The following PLCG2 variants were observed in gnomAD, a reference collection of about 807,000 sequenced individuals.
The protein encoded by PLCG2 is phospholipase C gamma 2.
PLCG2 carries 69 observed loss-of-function variants against 175.6 expected under a neutral mutation model. The ratio of observed to expected loss-of-function variants is 0.39; its 90% confidence interval spans 0.32 to 0.48. The LOEUF (loss-of-function observed/expected upper bound fraction) is 0.48, where lower values mean the gene tolerates loss of function less well. Among genes scored for constraint, PLCG2 ranks in the 20% least tolerant of loss-of-function variants. PLCG2 has a pLI of 0.91. For synonymous variants in PLCG2, 827 were observed against 624.0 expected, an observed-to-expected ratio of 1.33 and a Z score of -4.85; for missense variants, 1,798 against 1,650.9, an observed-to-expected ratio of 1.09 and a Z score of -1.54.
At chr16:81,875,880 T>C (rs1350553172) in intron 7 of PLCG2, among the ~76,000 whole-genome samples, 1 of 152,052 alleles carries the variant, frequency 6.6e-6, no homozygotes, top group African/African-American at 2.4e-5. Context: ...GGGAAGTGAG[T>C]GATGAGCGTT....
chr16:81,902,387 G>C (rs1411489957), intron 14 of PLCG2, among the ~76,000 whole-genome samples: 10 of 152,210 alleles, frequency 6.6e-5, no homozygotes, highest in Admixed American at 5.2e-4. Flanking sequence ...CAGGGTGCTG[G>C]TATGAGAGTC....
chr16:81,887,336 G>A (rs1908420862), intron 9 of PLCG2, among the ~76,000 whole-genome samples: 2 of 151,942 alleles, frequency 1.3e-5, no homozygotes, highest in Non-Finnish European at 2.9e-5. Context: ...AGCCAGGATG[G>A]TCTCGATCTC....
chr16:81,813,119 G>C (rs528879208), intron 2 of PLCG2, among the ~76,000 whole-genome samples: 1 of 152,304 alleles, frequency 6.6e-6, no homozygotes, highest in South Asian at 2.1e-4. Flanking sequence ...GATGCCTGCA[G>C]CTTGTTCTTT....
At chr16:81,839,183 C>G (rs529808033) in intron 2 of PLCG2, among the ~76,000 whole-genome samples, 2 of 152,254 alleles carry the variant, frequency 1.3e-5, no homozygotes, top group African/African-American at 4.8e-5. Flanking sequence ...TAACATACAT[C>G]AGTTCAGGTG....
intron 2 of PLCG2, among the ~76,000 whole-genome samples, chr16:81,819,580 A>C (rs1904704901): frequency 6.6e-6 from 1 of 151,974 alleles, no homozygotes; most frequent in Admixed American, 6.6e-5. Context: ...TTATTTATGT[A>C]TTTATTATTA....
At chr16:81,957,885 A>G (rs913667876) in intron 32 of PLCG2, 71 bp from the exon 33 acceptor site, 3 of 1,319,026 alleles carry the variant, frequency 2.3e-6, no homozygotes, top group African/African-American at 1.4e-5. Context: ...AGAAAGAGAA[A>G]TGTTACAGAG....
intron 7 of PLCG2, among the ~76,000 whole-genome samples, chr16:81,877,961 CTTTTTTTTTTAATTTTTTTTTTT>C (rs1907887441): frequency 8.4e-6 from 1 of 118,468 alleles, no homozygotes; most frequent in East Asian, 2.6e-4. Flanking sequence ...AAATCTCCCT[CTTTTTTTTTTAATTTTTTTTTTT>C]TTTTTTTTTT....
chr16:81,889,307 G>A (rs200354151), intron 10 of PLCG2, 34 bp downstream of exon 10: 11 of 1,207,926 alleles, frequency 9.1e-6, no homozygotes, highest in Non-Finnish European at 1.2e-5. Flanking sequence ...GCTTGGGGGT[G>A]ACTTTTTGAT....
At chr16:81,831,144 T>C (rs531908855) in intron 2 of PLCG2, among the ~76,000 whole-genome samples, 1 of 152,324 alleles carries the variant, frequency 6.6e-6, no homozygotes, top group South Asian at 2.1e-4. Context: ...ACACCATGCT[T>C]TGCTCTTCTT....
At chr16:81,932,656 A>T (rs181777363) in intron 25 of PLCG2, among the ~76,000 whole-genome samples, 49 of 152,274 alleles carry the variant, frequency 3.2e-4, no homozygotes, top group African/African-American at 1.1e-3. Context: ...GTCCCTGGTC[A>T]CGAGAGGATC....
Position 81,854,515 on chromosome 16 carries a change from C to T in PLCG2, c.265C>T (p.Arg89Cys), listed in dbSNP as rs199638859. 4.1e-5 allele frequency: 66 copies of T among 1,613,626 alleles called. No individual in the cohort carries two copies. The highest frequency in any genetic ancestry group is 1.7e-5 in the Admixed American group (1 of 60,030). The change falls in exon 3 of 33, where the codon CGC becomes TGC. Residue 89 changes from arginine to cysteine, a missense_variant. Arg to Cys is a radical substitution (Grantham distance 180, BLOSUM62 -3). Coordinates refer to ENST00000564138, the MANE Select transcript of PLCG2 (RefSeq NM_002661.5). ...SKDFERAKAV[R>C]QKEDCCFTIL... The stretch of plus-strand genomic sequence containing the variant: ...AGATTTCGAGCGAGCAAAAGCAGTT[C>T]GCCAGAAAGAAGACTGCTGCTTCAC...
At chr16:81,917,656 C>T (rs115210011) in intron 19 of PLCG2, among the ~76,000 whole-genome samples, 24 of 152,160 alleles carry the variant, frequency 1.6e-4, no homozygotes, top group Non-Finnish European at 2.5e-4. Context: ...ACATTTTTTA[C>T]GTAACTGTTG....
rs62046684 is a variant in PLCG2 at position 81,870,842 on chromosome 16, A to C, written c.565-10A>C. 3.3e-6 allele frequency: 5 copies of C among 1,523,464 alleles called. No individual in the cohort carries two copies. The African/African-American group carries it at 6.9e-5, about 21-fold the overall frequency. The allele number at this position is 1,523,464 out of a possible 1,614,324, so 94.4% of individuals were successfully genotyped here. A position where few individuals can be genotyped will look rare whatever the true frequency, so the allele number is the denominator to read the frequency against. ...CAAAAATCATGTGGTCACTTTTTTCATATTTACAGGAAATAGGAGCACACA... is the reference window on the plus strand; with the variant it reads ...CAAAAATCATGTGGTCACTTTTTTCCTATTTACAGGAAATAGGAGCACACA... On this transcript the variant is annotated splice_polypyrimidine_tract_variant and intron_variant, in intron 6 of 32. Coordinates refer to ENST00000564138, the MANE Select transcript of PLCG2 (RefSeq NM_002661.5).
chr16:81,849,897 C>T (rs1205938344), intron 2 of PLCG2, among the ~76,000 whole-genome samples: 1 of 151,910 alleles, frequency 6.6e-6, no homozygotes, highest in Admixed American at 6.6e-5. Flanking sequence ...TAGACTTTCA[C>T]TGGCAGTCAA....
At chr16:81,828,978 C>T (rs1238996493) in intron 2 of PLCG2, among the ~76,000 whole-genome samples, 1 of 152,220 alleles carries the variant, frequency 6.6e-6, no homozygotes, top group Non-Finnish European at 1.5e-5. Context: ...TTCTCTCAAA[C>T]ATTGCTAGTC....
chr16:81,928,366 T>C lies in PLCG2; in HGVS notation c.2515-192T>C, dbSNP rs543630617. Among the ~76,000 whole-genome samples, 4 of 152,194 alleles carry C rather than the reference T, an allele frequency of 2.6e-5. No homozygotes were observed. The East Asian group carries it at 7.7e-4, about 29-fold the overall frequency. ...TGAAACTCCGAACCTCCTGGCACCC[T>C]CTCCCCGCCAGGTCCCTATCAGCTC... On this transcript the variant is annotated intron_variant, in intron 23 of 32. Coordinates refer to ENST00000564138, the MANE Select transcript of PLCG2 (RefSeq NM_002661.5).
At chr16:81,838,799 A>G (rs113950536) in intron 2 of PLCG2, among the ~76,000 whole-genome samples, 1 of 134,378 alleles carries the variant, frequency 7.4e-6, no homozygotes, top group Non-Finnish European at 1.7e-5. Context: ...ATATATATAT[A>G]TATATATATG....
intron 30 of PLCG2, among the ~76,000 whole-genome samples, chr16:81,941,444 G>A (rs769012440): frequency 6.6e-6 from 1 of 152,142 alleles, no homozygotes; most frequent in East Asian, 1.9e-4. Context: ...GATGGTGCTT[G>A]GATGGCACTT....
At chr16:81,854,167 A>G (rs1435543377) in intron 2 of PLCG2, among the ~76,000 whole-genome samples, 3 of 152,070 alleles carry the variant, frequency 2.0e-5, no homozygotes, top group South Asian at 4.1e-4. Flanking sequence ...TAATTGTCCT[A>G]GTTTAAAATG....
Sources: allele counts gnomAD v4.1 joint callset (sites outside exome capture counted in the v4.1 genomes callset), GRCh38; gene constraint gnomAD v4.1.1; transcripts MANE v1.5; gene names NCBI Gene and HGNC (gene_info 2026-07-23, HGNC 2026-07-21).